The following COMP variants were observed in gnomAD, a reference collection of about 807,000 sequenced individuals.
COMP encodes cartilage oligomeric matrix protein.
A neutral mutation model predicts 95.8 loss-of-function variants in COMP; 79 were observed. The observed-to-expected ratio is 0.82, with a 90% CI of 0.69 to 0.99. COMP has a LOEUF of 0.99. Ranked by LOEUF, COMP falls within the 50% of genes least tolerant of loss-of-function variation. The pLI, the probability that COMP is intolerant of heterozygous loss-of-function variation, is 0.00. For synonymous variants in COMP, 438 were observed against 433.9 expected, an observed-to-expected ratio of 1.01 and a Z score of -0.12; for missense variants, 906 against 1,076.1, an observed-to-expected ratio of 0.84 and a Z score of 2.21.
chr19:18,783,184 G>T lies in COMP; in HGVS notation c.2097C>A (p.Phe699Leu). Reference sequence around the variant, plus strand: ...CGGCCACCAGCTCAGGGCCCTCATAGAATCGCACCCTGAGGGTCAGACATG... The same window carrying T: ...CGGCCACCAGCTCAGGGCCCTCATATAATCGCACCCTGAGGGTCAGACATG... ...RPQVGYIRVR[F>L]YEGPELVADS... Residue 699 changes from phenylalanine to leucine, a missense_variant, in exon 18 of 19, where the codon TTC becomes TTA. Physicochemically the swap from Phe to Leu is conservative, Grantham distance 22 (BLOSUM62 0). Transcript: ENST00000222271. 1.2e-6 allele frequency: 2 copies of T among 1,608,150 alleles called. No homozygotes were observed.
chr19:18,787,366 C>G (rs922942417), intron 10 of COMP, 125 bp downstream of exon 10: 8 of 1,398,428 alleles, frequency 5.7e-6, no homozygotes, highest in Non-Finnish European at 3.9e-6. Flanking sequence ...GGTCTTTGGT[C>G]CAGGGCGCCC....
At chr19:18,787,442 C>T (rs779651201) in intron 10 of COMP, 49 bp downstream of exon 10, 8 of 1,603,400 alleles carry the variant, frequency 5.0e-6, no homozygotes, top group South Asian at 4.4e-5. Flanking sequence ...GAATCCCGCC[C>T]TTCGGTGCCC....
In COMP at chr19:18,790,093, G is replaced by C; in HGVS notation, c.239C>G (p.Thr80Ser). The change falls in exon 4 of 19, where the codon ACC (threonine) becomes AGC (serine). Residue 80 changes from threonine (T) to serine (S), a missense_variant. Physicochemically the swap from Thr to Ser is moderately conservative, Grantham distance 58. Coordinates refer to ENST00000222271, the MANE Select transcript of COMP (RefSeq NM_000095.3). Reference protein sequence around the residue: ...DACGMQQSVRTGLPSVRPLLH... With the variant: ...DACGMQQSVRSGLPSVRPLLH... ...CAGGGGCCGCACGCTGGGTAGGCCG[G>C]TGCGTACTGACTGCTGCATCCCTGC... is the stretch of plus-strand genomic sequence containing the variant. The C allele has an allele frequency of 1.3e-6, 2 of 1,540,014 alleles. No homozygotes were observed. The highest frequency in any genetic ancestry group is 1.7e-6 in the Non-Finnish European group (2 of 1,146,474).
rs777939991 is a variant in COMP at position 18,786,120 on chromosome 19, C to G, written c.1334G>C (p.Arg445Pro). ...GTTAGGCACCGTGGGACAGTTGTCC[C>G]GAGAGTCCTGATGTCCGTCTCCATC... ...DQDGDGHQDS[R>P]DNCPTVPNSA... is the part of the protein sequence containing the mutation. Residue 445 changes from arginine (R) to proline (P), a missense_variant, in exon 13 of 19, where the codon CGG becomes CCG. Physicochemically the swap from Arg to Pro is moderately radical, Grantham distance 103 (BLOSUM62 -2). Coordinates refer to ENST00000222271, the MANE Select transcript of COMP (RefSeq NM_000095.3). 6.8e-6 allele frequency: 11 copies of G among 1,614,038 alleles called. No homozygotes were observed. The highest frequency in any genetic ancestry group is 8.5e-6 in the Non-Finnish European group (10 of 1,180,054).
chr19:18,783,443 C>T (rs2055140451), intron 17 of COMP, among the ~76,000 whole-genome samples: 1 of 152,172 alleles, frequency 6.6e-6, no homozygotes, highest in South Asian at 2.1e-4. Context: ...CTGGGTGAGG[C>T]CCCATTTCTA....
Position 18,788,346 on chromosome 19 carries a change from G to C in COMP, c.868-27C>G. 1 of 1,608,652 alleles carries C rather than the reference G, an allele frequency of 6.2e-7. No homozygotes were observed. Among genetic ancestry groups the C allele is most frequent in the Non-Finnish European group, 8.5e-7 (1 of 1,179,286 alleles). On this transcript the variant is annotated intron_variant, in intron 8 of 18. Transcript: ENST00000222271. The surrounding 1 kb of genome is among the most constrained non-coding windows in gnomAD (Gnocchi z 4.7). ...TGGGGGCGGGCACAGAAGGTGTGAG[G>C]GGCGCGGTCATGAAGTCCCGCCCTC...
chr19:18,786,442 T>G (rs1185563022), intron 11 of COMP, 90 bp downstream of exon 11: 4 of 1,522,544 alleles, frequency 2.6e-6, no homozygotes, highest in Admixed American at 3.4e-5. Flanking sequence ...TCTGGCAGTG[T>G]AAAATGCTCT....
In COMP at chr19:18,789,793, G is replaced by T; in HGVS notation, c.390+149C>A. The stretch of plus-strand genomic sequence containing the variant: ...TCCTTGGGTTGGGCGTCCCCCCGCG[G>T]TAAGGAGGTAGTCTGGCCGTGCGCC... On this transcript the variant is annotated intron_variant, in intron 4 of 18. Transcript: ENST00000222271. This position sits in a 1 kb window ranked among gnomAD's most constrained non-coding sequence, Gnocchi z 6.1. 1 of 1,031,798 alleles carries T rather than the reference G, an allele frequency of 9.7e-7. No homozygotes were observed. Among genetic ancestry groups the T allele is most frequent in the Non-Finnish European group, 1.4e-6 (1 of 690,992 alleles). The allele number at this position is 1,031,798 out of a possible 1,614,324, so 63.9% of individuals were successfully genotyped here.
chr19:18,789,330 G>A lies in COMP; in HGVS notation c.391-33C>T. 1 of 1,449,566 alleles carries A rather than the reference G, an allele frequency of 6.9e-7. No individual in the cohort carries two copies. Among genetic ancestry groups the A allele is most frequent in the Non-Finnish European group, 9.1e-7 (1 of 1,101,212 alleles). The allele number at this position is 1,449,566 out of a possible 1,614,324, so 89.8% of individuals were successfully genotyped here. Reference sequence around the variant, plus strand: ...AGGAGGGGCCACAGAGGGTCAGAGGGCTTCGAGCTGGGCCCTGGGGGCCGC... The same window carrying A: ...AGGAGGGGCCACAGAGGGTCAGAGGACTTCGAGCTGGGCCCTGGGGGCCGC... On this transcript the variant is annotated intron_variant, in intron 4 of 18. Coordinates refer to ENST00000222271, the MANE Select transcript of COMP (RefSeq NM_000095.3). This position sits in a 1 kb window ranked among gnomAD's most constrained non-coding sequence, Gnocchi z 6.1.
Position 18,789,227 on chromosome 19 carries a change from C to G in COMP, c.461G>C (p.Cys154Ser). The change falls in exon 5 of 19, where the codon TGC (cysteine) becomes TCC (serine). Residue 154 changes from cysteine to serine, a missense_variant. Transcript: ENST00000222271. This position sits in a 1 kb window ranked among gnomAD's most constrained non-coding sequence, Gnocchi z 6.1. The stretch of plus-strand genomic sequence containing the variant: ...GGTGGGGCCGCTGTACCCCGGCGGG[C>G]AAGCCTCGCAGCGGAACCCCGGGCT... ...NTSPGFRCEA[C>S]PPGYSGPTHQ... is the part of the protein sequence containing the mutation. The G allele has an allele frequency of 6.5e-7, 1 of 1,533,754 alleles. No individual in the cohort carries two copies.
At chr19:18,785,887 A>G (rs1184548544) in intron 13 of COMP, 36 bp from the exon 14 acceptor site, 2 of 1,606,330 alleles carry the variant, frequency 1.2e-6, no homozygotes, top group Non-Finnish European at 1.7e-6. Context: ...GGCTAAAGTC[A>G]GGGCCCGCCC....
rs1278223182 is a variant in COMP at position 18,786,196 on chromosome 19, T to G, written c.1307+43A>C. On this transcript the variant is annotated intron_variant, in intron 12 of 18. Coordinates refer to ENST00000222271, the MANE Select transcript of COMP (RefSeq NM_000095.3). ...AGACAATGAGCTCTCCAGAGCGTTT[T>G]GTCAAAGGCTACCCGGACGCCCACC... The G allele has an allele frequency of 1.9e-6, 3 of 1,614,028 alleles. No individual in the cohort carries two copies. In the African/African-American group the frequency reaches 4.0e-5, roughly 22 times the overall value.
chr19:18,787,681 CAGGTCGAGA>C (rs2055177495), intron 9 of COMP, 31 bp from the exon 10 acceptor site: 6 of 1,611,652 alleles, frequency 3.7e-6, no homozygotes, highest in Non-Finnish European at 5.1e-6. Context: ...AGGGTGAGAT[CAGGTCGAGA>C]AGGCAAAGGT....
At position 18,782,974 on chromosome 19, in the gene COMP, G is replaced by A. The variant is rs779485237; in HGVS notation, c.2228-13C>T. The stretch of plus-strand genomic sequence containing the variant: ...TCTGGGATGGTGTCTGCAGGGAGAG[G>A]GCAGGCGGGTGAGGGCTGAGAAGGC... On this transcript the variant is annotated splice_polypyrimidine_tract_variant and intron_variant, in intron 18 of 18. Coordinates refer to ENST00000222271, the MANE Select transcript of COMP (RefSeq NM_000095.3). 2.3e-5 allele frequency: 37 copies of A among 1,612,540 alleles called. No homozygotes were observed. The highest frequency in any genetic ancestry group is 3.1e-5 in the Non-Finnish European group (37 of 1,179,998).
chr19:18,790,212 T>G (rs891230032), intron 3 of COMP, 98 bp from the exon 4 acceptor site: 8 of 855,236 alleles, frequency 9.4e-6, no homozygotes, highest in African/African-American at 1.9e-5. Flanking sequence ...GGCTTCCCCT[T>G]CCCCCCCACC....
chr19:18,788,629 T>C lies in COMP; in HGVS notation c.725A>G (p.Asp242Gly). Residue 242 changes from aspartate to glycine, a missense_variant, in exon 7 of 19, where the codon GAC becomes GGC. By Grantham distance (94) the Asp-to-Gly change is moderately conservative (BLOSUM62 -1). Coordinates refer to ENST00000222271, the MANE Select transcript of COMP (RefSeq NM_000095.3). This position sits in a 1 kb window ranked among gnomAD's most constrained non-coding sequence, Gnocchi z 4.7. Reference sequence around the variant, plus strand: ...CGAGCCATCGCGCTCTAGGACGCAGTCTGCATGCTCGTGGCACTCGCTGGG... The same window carrying C: ...CGAGCCATCGCGCTCTAGGACGCAGCCTGCATGCTCGTGGCACTCGCTGGG... ...GSPSECHEHA[D>G]CVLERDGSRS... 1 of 1,548,376 alleles carries C rather than the reference T, an allele frequency of 6.5e-7. No homozygotes were observed. Among genetic ancestry groups the C allele is most frequent in the South Asian group, 1.2e-5 (1 of 84,104 alleles).
chr19:18,784,936 T>A lies in COMP; in HGVS notation c.1874A>T (p.Asn625Ile), dbSNP rs778329355. The change falls in exon 16 of 19, where the codon AAC (asparagine) becomes ATC (isoleucine). Residue 625 changes from asparagine to isoleucine, a missense_variant. Transcript: ENST00000222271. The surrounding 1 kb of genome is among the most constrained non-coding windows in gnomAD (Gnocchi z 4.9). Reference protein sequence around the residue: ...KQMEQTYWQANPFRAVAEPGI... With the variant: ...KQMEQTYWQAIPFRAVAEPGI... ...AGGCTCGGCCACAGCACGGAAGGGG[T>A]TCGCCTGCCAATACGTTTGCTCCAT... 1 of 1,612,758 alleles carries A rather than the reference T, an allele frequency of 6.2e-7. No individual in the cohort carries two copies. Among genetic ancestry groups the A allele is most frequent in the Non-Finnish European group, 8.5e-7 (1 of 1,179,730 alleles).
rs769866414 is a variant in COMP at position 18,786,008 on chromosome 19, G to A, written c.1446C>T (p.Asp482=). The change falls in exon 13 of 19, where the codon GAC becomes GAT. Residue 482 remains aspartate, a synonymous_variant. Transcript: ENST00000222271. Reference sequence around the variant, plus strand: ...CGGGGTTAGGCACCAGGCGGCAGTTGTCCCGACTGTCAGGGACTCCGTCAT... The same window carrying A: ...CGGGGTTAGGCACCAGGCGGCAGTTATCCCGACTGTCAGGGACTCCGTCAT... ...DDNDGVPDSR[D]NCRLVPNPGQ... 1 of 1,613,362 alleles carries A rather than the reference G, an allele frequency of 6.2e-7. No individual in the cohort carries two copies. Among genetic ancestry groups the A allele is most frequent in the South Asian group, 1.1e-5 (1 of 91,052 alleles).
Position 18,786,074 on chromosome 19 carries a change from GTC to G in COMP, c.1378_1379del (p.Asp460ProfsTer6). On this transcript the variant is annotated frameshift_variant, in exon 13 of 19. Transcript: ENST00000222271. LOFTEE classifies it high-confidence loss of function. ...TVPNSAQEDS[D>X]HDGQGDACDD... is the part of the protein sequence containing the mutation. ...CGCAGGCATCACCCTGGCCATCGTGGTCTGAGTCCTCCTGGGCACTGTTAGGC... is the reference window on the plus strand; with the variant it reads ...CGCAGGCATCACCCTGGCCATCGTGGTGAGTCCTCCTGGGCACTGTTAGGC... 1.2e-6 allele frequency: 2 copies of G among 1,614,100 alleles called. No homozygotes were observed. Among genetic ancestry groups the G allele is most frequent in the Non-Finnish European group, 1.7e-6 (2 of 1,180,050 alleles).
Sources: allele counts gnomAD v4.1 joint callset (sites outside exome capture counted in the v4.1 genomes callset), GRCh38; gene constraint gnomAD v4.1.1; non-coding constraint Gnocchi (gnomAD v3.1); transcripts MANE v1.5; gene names NCBI Gene and HGNC (gene_info 2026-07-23, HGNC 2026-07-21).